Variants in TBXT observed in about 807,000 individuals in gnomAD.
TBXT encodes the protein T brachyury transcription factor.
Under a neutral mutation model 41.1 loss-of-function variants are expected in TBXT, and 19 were observed. The ratio of observed to expected loss-of-function variants is 0.46; its 90% CI spans 0.32 to 0.68. TBXT has a LOEUF of 0.68. Among genes scored for constraint, TBXT ranks in the 30% least tolerant of loss-of-function variants. The probability of loss-of-function intolerance (pLI) is 0.03; values close to 1 mark genes in which losing one functional copy is unlikely to be tolerated. For missense variants in TBXT, 536 were observed against 582.0 expected, an observed-to-expected ratio of 0.92 and a Z score of 0.81; for synonymous variants, 213 against 238.9, an observed-to-expected ratio of 0.89 and a Z score of 1.00.
In TBXT at chr6:166,158,268, C is replaced by G. The variant is rs775232029; in HGVS notation, c.*47G>C. 1 of 1,614,132 alleles carries G rather than the reference C, an allele frequency of 6.2e-7. No homozygotes were observed. Among genetic ancestry groups the G allele is most frequent in the South Asian group, 1.1e-5 (1 of 91,072 alleles). On this transcript the variant is annotated 3_prime_UTR_variant, in exon 8 of 8. Coordinates refer to ENST00000366876, the MANE Select transcript of TBXT (RefSeq NM_001366285.2). ...AGGTCAATCCAGTCACCACTGGCTG[C>G]CACGACAAAAAGTCACTGCATCTTT...
Position 166,167,695 on chromosome 6 carries a change from C to A in TBXT, c.-104G>T. 2.0e-6 allele frequency: 3 copies of A among 1,466,950 alleles called. No individual in the cohort carries two copies. The highest frequency in any genetic ancestry group is 2.8e-6 in the Non-Finnish European group (3 of 1,089,474). 90.9% of individuals were successfully genotyped at this position (1,466,950 alleles called of 1,614,324 possible). On this transcript the variant is annotated 5_prime_UTR_variant, in exon 1 of 8. The change creates a new upstream start codon in the 5' untranslated region. Coordinates refer to ENST00000366876, the MANE Select transcript of TBXT (RefSeq NM_001366285.2). ...GCCGCCCTTCCGAGAAAAGGGGCCC[C>A]TTGGACCGAGACCTGCGACGGCTCC...
intron 7 of TBXT, among the ~76,000 whole-genome samples, chr6:166,160,133 G>C (rs1778908922): frequency 1.3e-5 from 2 of 152,158 alleles, no homozygotes; most frequent in Admixed American, 1.3e-4. Flanking sequence ...TTCCTCCCTA[G>C]AAAGTGAGGG....
intron 6 of TBXT, among the ~76,000 whole-genome samples, chr6:166,161,288 C>T (rs1005168838): frequency 6.6e-6 from 1 of 152,136 alleles, no homozygotes; most frequent in Non-Finnish European, 1.5e-5. Context: ...ATAAATATAA[C>T]TTTACCCTGC....
rs997648460 is a variant in TBXT, at chr6:166,166,773, G to A, written c.290C>T (p.Ala97Val). Residue 97 changes from alanine (A) to valine (V), a missense_variant, in exon 2 of 8, where the codon GCG (alanine) becomes GTG (valine). By Grantham distance (64) the Ala-to-Val change is moderately conservative (BLOSUM62 0). Coordinates refer to ENST00000366876, the MANE Select transcript of TBXT (RefSeq NM_001366285.2). ...MYSFLLDFVA[A>V]DNHRWKYVNG... ...CACGTACTTCCAGCGGTGGTTGTCC[G>A]CCGCCACGAAGTCCAGCAGGAAGGA... The A allele has an allele frequency of 6.2e-7, 1 of 1,613,660 alleles. No homozygotes were observed. Among genetic ancestry groups the A allele is most frequent in the African/African-American group, 1.3e-5 (1 of 74,920 alleles).
chr6:166,159,796 T>G (rs1399175539), intron 7 of TBXT, among the ~76,000 whole-genome samples: 1 of 152,192 alleles, frequency 6.6e-6, no homozygotes, highest in Admixed American at 6.5e-5. Flanking sequence ...GGTTCTAAGA[T>G]GCCCAATTAG....
rs1288758143 is a variant in TBXT at position 166,164,455 on chromosome 6, C to T, written c.730+150G>A. Reference sequence around the variant, plus strand: ...GATGGGCAACACAGCTTCAACATCACAGGGCCAAGAGCCTCGCATGGCAAA... The same window carrying T: ...GATGGGCAACACAGCTTCAACATCATAGGGCCAAGAGCCTCGCATGGCAAA... On this transcript the variant is annotated intron_variant, in intron 5 of 7. Coordinates refer to ENST00000366876, the MANE Select transcript of TBXT (RefSeq NM_001366285.2). 3.3e-6 allele frequency: 3 copies of T among 906,158 alleles called. No homozygotes were observed. In the East Asian group the frequency reaches 7.2e-5, roughly 22 times the overall value. The allele number at this position is 906,158 out of a possible 1,614,324, so 56.1% of individuals were successfully genotyped here.
chr6:166,163,950 C>T (rs1247449960), intron 5 of TBXT, among the ~76,000 whole-genome samples: 1 of 152,172 alleles, frequency 6.6e-6, no homozygotes, highest in East Asian at 1.9e-4. Flanking sequence ...GAGGAGTGTG[C>T]CCTGTTGATT....
rs746151391 is a variant in TBXT, at chr6:166,163,759, A to C, written c.730+846T>G. Among the ~76,000 whole-genome samples the C allele has an allele frequency of 4.0e-4, 61 of 152,214 alleles. 1 individual carries two copies. Among genetic ancestry groups the C allele is most frequent in the Non-Finnish European group, 1.2e-4 (8 of 68,032 alleles). On this transcript the variant is annotated intron_variant, in intron 5 of 7. Transcript: ENST00000366876. ...TAGCGGGACAACTACTGTGGCTTCA[A>C]TTTCCAAACTACTAACAATTCTCCA...
In TBXT at chr6:166,166,715, C is replaced by T; in HGVS notation, c.348G>A (p.Glu116=). Residue 116 remains glutamate (E), a synonymous_variant, in exon 2 of 8, where the codon GAG becomes GAA. Coordinates refer to ENST00000366876, the MANE Select transcript of TBXT (RefSeq NM_001366285.2). The part of the protein sequence containing the change: ...NGEWVPGGKP[E]PQAPSCVYIH... ...TGTAGACGCAGCTGGGCGCCTGCGG[C>T]TCCGGCTTGCCCCCCGGCACCCATT... 5.0e-6 allele frequency: 8 copies of T among 1,613,824 alleles called. No homozygotes were observed. Among genetic ancestry groups the T allele is most frequent in the Non-Finnish European group, 6.8e-6 (8 of 1,180,046 alleles).
Position 166,164,592 on chromosome 6 carries a change from C to A in TBXT, c.730+13G>T. ...TGACGCAGAATGACATGACAGAGTG[C>A]AACAAACCGTACATTGGGAGTACCC... On this transcript the variant is annotated intron_variant, in intron 5 of 7. Transcript: ENST00000366876. The A allele has an allele frequency of 6.2e-7, 1 of 1,614,084 alleles. No homozygotes were observed. Among genetic ancestry groups the A allele is most frequent in the Middle Eastern group, 1.7e-4 (1 of 6,060 alleles).
chr6:166,165,741 G>T lies in TBXT; in HGVS notation c.571C>A (p.Gln191Lys), dbSNP rs761937886. ...MITSHCFPET[Q>K]FIAVTAYQNE... ...TGATAAGCAGTCACCGCTATGAACT[G>T]GGTCTCAGGGAAGCAGTGGCTGGTG... Residue 191 changes from glutamine (Q) to lysine (K), a missense_variant, in exon 3 of 8, where the codon CAG (glutamine) becomes AAG (lysine). Coordinates refer to ENST00000366876, the MANE Select transcript of TBXT (RefSeq NM_001366285.2). The T allele has an allele frequency of 5.6e-6, 9 of 1,614,046 alleles. No individual in the cohort carries two copies. The highest frequency in any genetic ancestry group is 5.9e-6 in the Non-Finnish European group (7 of 1,180,038).
At chr6:166,167,078 C>A (rs1779140732) in intron 1 of TBXT, among the ~76,000 whole-genome samples, 3 of 152,198 alleles carry the variant, frequency 2.0e-5, no homozygotes, top group South Asian at 4.1e-4. Context: ...GAGGACCTGG[C>A]GAAGGGTTTC....
rs1451602203 is a variant in TBXT, at chr6:166,161,080, A to G, written c.908-114T>C. ...ACGTAACACTGAAAACAAAATGTAC[A>G]TGGGATATTAACTGTAGAAAACAAT... On this transcript the variant is annotated intron_variant, in intron 6 of 7. Coordinates refer to ENST00000366876, the MANE Select transcript of TBXT (RefSeq NM_001366285.2). 8.1e-6 allele frequency: 11 copies of G among 1,361,484 alleles called. No individual in the cohort carries two copies. The East Asian group carries it at 2.6e-4, about 32-fold the overall frequency. 84.3% of individuals were successfully genotyped at this position (1,361,484 alleles called of 1,614,324 possible).
chr6:166,167,338 C>T (rs1299823491), intron 1 of TBXT, 48 bp downstream of exon 1: 4 of 1,607,892 alleles, frequency 2.5e-6, no homozygotes, highest in Non-Finnish European at 3.4e-6. Flanking sequence ...CCCAGGCTGC[C>T]CAGGCGCTGG....
chr6:166,164,899 T>C (rs985706653), intron 3 of TBXT, 38 bp from the exon 4 acceptor site: 5 of 1,560,224 alleles, frequency 3.2e-6, no homozygotes, highest in Non-Finnish European at 4.4e-6. Context: ...GTATATTCCC[T>C]ATTAGCCAGG....
chr6:166,158,346 G>T lies in TBXT; in HGVS notation c.1280C>A (p.Ser427Ter), dbSNP rs768501878. ...GGAAGGTGGCGACACAGGTGTCCAT[G>T]AGGCTATGAGGCGGCCTTGGGCTGC... ...DAAAQGRLIA[S>*]WTPVSPPSM The change falls in exon 8 of 8, where the codon TCA (serine) becomes TAA (stop). Residue 427 changes from serine (S) to a stop codon, truncating the protein, a stop_gained. Coordinates refer to ENST00000366876, the MANE Select transcript of TBXT (RefSeq NM_001366285.2). LOFTEE classifies it high-confidence loss of function. 8.7e-6 allele frequency: 14 copies of T among 1,614,274 alleles called. No homozygotes were observed. The highest frequency in any genetic ancestry group is 1.0e-5 in the Non-Finnish European group (12 of 1,180,054).
chr6:166,167,358 C>T (rs923311273), intron 1 of TBXT, 28 bp downstream of exon 1: 9 of 1,610,434 alleles, frequency 5.6e-6, no homozygotes, highest in South Asian at 1.1e-5. Context: ...GAGAGCGCGG[C>T]GCGCGCGGGC....
chr6:166,162,977 C>T (rs1779005126), intron 5 of TBXT, among the ~76,000 whole-genome samples: 1 of 152,228 alleles, frequency 6.6e-6, no homozygotes, highest in Admixed American at 6.5e-5. Context: ...GCCCCACACT[C>T]ACTACCACAG....
chr6:166,158,051 G>A lies in TBXT; in HGVS notation c.*264C>T. On this transcript the variant is annotated 3_prime_UTR_variant, in exon 8 of 8. Transcript: ENST00000366876. ...CAAACATTTTTTCACCGTCAGTGAG[G>A]TTGGGCCAACTGCATCATCTCCACA... 3.4e-6 allele frequency: 2 copies of A among 594,634 alleles called. No individual in the cohort carries two copies. The highest frequency in any genetic ancestry group is 5.9e-6 in the Non-Finnish European group (2 of 337,454). The allele number at this position is 594,634 out of a possible 1,614,324, so 36.8% of individuals were successfully genotyped here.
Sources: allele counts gnomAD v4.1 joint callset (sites outside exome capture counted in the v4.1 genomes callset), GRCh38; gene constraint gnomAD v4.1.1; transcripts MANE v1.5; gene names NCBI Gene and HGNC (gene_info 2026-07-23, HGNC 2026-07-21).